UTRN: variants seen among roughly 807,000 people sequenced by gnomAD.
UTRN encodes utrophin.
Under a neutral mutation model 463.9 loss-of-function variants are expected in UTRN, and 283 were observed. The observed-to-expected ratio is 0.61, with a 90% CI of 0.55 to 0.67. The LOEUF (loss-of-function observed/expected upper bound fraction) is 0.67. Among genes scored for constraint, UTRN ranks in the 30% least tolerant of loss-of-function variants. The pLI is 0.00. For synonymous variants in UTRN, 1,442 were observed against 1,431.5 expected, an observed-to-expected ratio of 1.01 and a Z score of -0.17; for missense variants, 3,922 against 4,084.3, an observed-to-expected ratio of 0.96 and a Z score of 1.08.
chr6:144,697,576 C>A (rs925777240), intron 52 of UTRN, among the ~76,000 whole-genome samples: 1 of 152,140 alleles, frequency 6.6e-6, no homozygotes, highest in Non-Finnish European at 1.5e-5. Flanking sequence ...TAGTTATAAT[C>A]TATTTGAGAA....
chr6:144,634,687 A>C (rs1278828044), intron 51 of UTRN, among the ~76,000 whole-genome samples: 1 of 152,092 alleles, frequency 6.6e-6, no homozygotes, highest in Non-Finnish European at 1.5e-5. Context: ...CCGCATCCCT[A>C]CTTCTCCCTA....
intron 51 of UTRN, among the ~76,000 whole-genome samples, chr6:144,630,567 T>C (rs1435984048): frequency 6.6e-6 from 1 of 152,148 alleles, no homozygotes; most frequent in Non-Finnish European, 1.5e-5. Flanking sequence ...GGAAAAACCT[T>C]TCCCCCTGAT....
chr6:144,738,391 G>A (rs1789676419), intron 54 of UTRN, among the ~76,000 whole-genome samples: 1 of 152,122 alleles, frequency 6.6e-6, no homozygotes, highest in Non-Finnish European at 1.5e-5. Context: ...ACCTCCAGAG[G>A]GAATTAGGGA....
chr6:144,431,797 A>C (rs535073408), intron 9 of UTRN, among the ~76,000 whole-genome samples: 1 of 152,038 alleles, frequency 6.6e-6, no homozygotes, highest in Non-Finnish European at 1.5e-5. Context: ...TTTTGTCCAT[A>C]ACTTAACTCA....
At chr6:144,294,439 G>A (rs1367453305) in intron 2 of UTRN, among the ~76,000 whole-genome samples, 2 of 152,154 alleles carry the variant, frequency 1.3e-5, no homozygotes, top group African/African-American at 4.8e-5. Flanking sequence ...TTTTAGTTTA[G>A]ATTAAGTCAT....
intron 52 of UTRN, among the ~76,000 whole-genome samples, chr6:144,684,719 G>A (rs1021210315): frequency 1.3e-5 from 2 of 152,170 alleles, no homozygotes; most frequent in Non-Finnish European, 1.5e-5. Flanking sequence ...TCATCAGTAA[G>A]ATGGCTCTCC....
At chr6:144,550,944 A>G (rs963703938) in intron 47 of UTRN, 21 bp from the exon 48 acceptor site, 3 of 1,566,522 alleles carry the variant, frequency 1.9e-6, no homozygotes, top group African/African-American at 2.8e-5. Context: ...ACCTATCCGA[A>G]TAATCATTTC....
chr6:144,414,679 A>G (rs572219975), intron 3 of UTRN, among the ~76,000 whole-genome samples: 1 of 151,012 alleles, frequency 6.6e-6, no homozygotes, highest in African/African-American at 2.4e-5. Context: ...TGTACGCACC[A>G]TTCATGTTAA....
intron 51 of UTRN, among the ~76,000 whole-genome samples, chr6:144,651,842 T>G (rs1190827495): frequency 1.3e-5 from 2 of 152,154 alleles, no homozygotes; most frequent in African/African-American, 4.8e-5. Flanking sequence ...AATAGGTTTT[T>G]GGGGGGCAAG....
intron 2 of UTRN, among the ~76,000 whole-genome samples, chr6:144,292,434 T>C (rs1460703479): frequency 6.6e-6 from 1 of 152,192 alleles, no homozygotes; most frequent in Admixed American, 6.5e-5. Context: ...GACAGATTCA[T>C]GGTTTTCACA....
intron 51 of UTRN, among the ~76,000 whole-genome samples, chr6:144,657,677 AG>A (rs1001758341): frequency 1.4e-4 from 21 of 152,318 alleles, no homozygotes; most frequent in African/African-American, 4.3e-4. Flanking sequence ...TTAAACAGAA[AG>A]GGTCTACTTT....
intron 50 of UTRN, among the ~76,000 whole-genome samples, chr6:144,564,784 T>C (rs1456572092): frequency 6.6e-6 from 1 of 152,140 alleles, no homozygotes; most frequent in Non-Finnish European, 1.5e-5. Context: ...CCACCTGGTC[T>C]CTCCCTTGAC....
At chr6:144,472,893 C>T (rs772288620) in intron 23 of UTRN, among the ~76,000 whole-genome samples, 1 of 151,900 alleles carries the variant, frequency 6.6e-6, no homozygotes, top group South Asian at 2.1e-4. Context: ...TAAGCCACCC[C>T]GAGTAGCTGG....
intron 65 of UTRN, among the ~76,000 whole-genome samples, chr6:144,809,460 G>T (rs1318657448): frequency 6.6e-6 from 1 of 152,056 alleles, no homozygotes; most frequent in Non-Finnish European, 1.5e-5. Flanking sequence ...TCCTCATGCT[G>T]AAGAAATCCC....
rs142788214 is a variant in UTRN at position 144,732,942 on chromosome 6, A to G, written c.7939+2456A>G. On this transcript the variant is annotated intron_variant, in intron 54 of 74. Transcript: ENST00000367545. Reference sequence around the variant, plus strand: ...GGTCATGAACTCCTGGGCTCAAGCCATCTTCCCATTTTGGTCTCCAAAAGT... The same window carrying G: ...GGTCATGAACTCCTGGGCTCAAGCCGTCTTCCCATTTTGGTCTCCAAAAGT... 1.2e-3 allele frequency among the ~76,000 whole-genome samples: 176 copies of G among 152,264 alleles called. No individual in the cohort carries two copies. The Middle Eastern group carries it at 0.017, about 15-fold the overall frequency.
intron 60 of UTRN, among the ~76,000 whole-genome samples, chr6:144,780,872 T>C (rs1775767444): frequency 6.6e-6 from 1 of 152,214 alleles, no homozygotes; most frequent in Non-Finnish European, 1.5e-5. Context: ...TCTCTAAACC[T>C]GGAATTCTTT....
chr6:144,824,775 G>GC (rs1333745516), intron 66 of UTRN, among the ~76,000 whole-genome samples: 54 of 145,202 alleles, frequency 3.7e-4, no homozygotes, highest in Middle Eastern at 3.5e-3. Flanking sequence ...GTTGGTGGTG[G>GC]GGGGGGGTGT....
At chr6:144,529,575 G>T (rs1796859926) in intron 41 of UTRN, among the ~76,000 whole-genome samples, 1 of 152,098 alleles carries the variant, frequency 6.6e-6, no homozygotes. Flanking sequence ...TTTGGAAATT[G>T]TGATTGTTGT....
intron 63 of UTRN, among the ~76,000 whole-genome samples, chr6:144,794,560 C>G (rs1199224318): frequency 1.3e-5 from 2 of 152,188 alleles, no homozygotes; most frequent in Non-Finnish European, 2.9e-5. Context: ...TAATTACACA[C>G]TGAATTATAT....
Sources: allele counts gnomAD v4.1 joint callset (sites outside exome capture counted in the v4.1 genomes callset), GRCh38; gene constraint gnomAD v4.1.1; transcripts MANE v1.5; gene names NCBI Gene and HGNC (gene_info 2026-07-23, HGNC 2026-07-21).